Variants in GRIK1 observed in about 807,000 individuals in gnomAD.
GRIK1 encodes glutamate receptor ionotropic, kainate 1.
Under a neutral mutation model 105.7 loss-of-function variants are expected in GRIK1, and 69 were observed. The ratio of observed to expected loss-of-function variants is 0.65; its 90% CI spans 0.54 to 0.80. GRIK1 has a LOEUF of 0.80. Among genes scored for constraint, GRIK1 ranks in the 30% least tolerant of loss-of-function variants. The probability of loss-of-function intolerance (pLI) is 0.00; values close to 1 mark genes in which losing one functional copy is unlikely to be tolerated. For missense variants in GRIK1, 1,109 were observed against 1,167.3 expected (o/e 0.95, Z 0.73); for synonymous variants, 438 against 431.3 (o/e 1.02, Z -0.19).
chr21:29,553,709 C>A, intron 16 of GRIK1: 1 of 1,531,610 alleles, frequency 6.5e-7, no homozygotes, highest in Non-Finnish European at 8.8e-7. Flanking sequence ...AAAAGCCTTG[C>A]ATGCAAAAGA....
At chr21:29,576,415 T>G (rs2146237073) in intron 14 of GRIK1, among the ~76,000 whole-genome samples, 1 of 152,330 alleles carries the variant, frequency 6.6e-6, no homozygotes, top group East Asian at 1.9e-4. Context: ...GGGAACACTG[T>G]CCTTCATCAA....
intron 1 of GRIK1, among the ~76,000 whole-genome samples, chr21:29,868,753 G>A (rs1013325150): frequency 1.3e-5 from 2 of 151,564 alleles, no homozygotes; most frequent in Non-Finnish European, 1.5e-5. Context: ...GTAATGCATT[G>A]CTTCTTTTGC....
At chr21:29,903,625 G>A (rs1394847742) in intron 1 of GRIK1, among the ~76,000 whole-genome samples, 2 of 152,108 alleles carry the variant, frequency 1.3e-5, no homozygotes, top group African/African-American at 4.8e-5. Flanking sequence ...TAAAAAGTCA[G>A]GAAACAACAG....
rs374953597 is a variant in GRIK1 at position 29,822,859 on chromosome 21, TCA to T, written c.118+116522_118+116523del. Among the ~76,000 whole-genome samples the T allele has an allele frequency of 2.6e-5, 4 of 152,156 alleles. No homozygotes were observed. In the East Asian group the frequency reaches 5.8e-4, roughly 22 times the overall value. On this transcript the variant is annotated intron_variant, in intron 1 of 17. Transcript: ENST00000327783. ...AGCTTGCTACTATTTGGGTTTTCAA[TCA>T]CACTCAGCCTAATCTAATCTTTCCT... is the stretch of plus-strand genomic sequence containing the variant.
intron 4 of GRIK1, among the ~76,000 whole-genome samples, chr21:29,670,500 T>A (rs963811771): frequency 6.6e-6 from 1 of 152,218 alleles, no homozygotes; most frequent in African/African-American, 2.4e-5. Context: ...TTTAGTGAAA[T>A]AGAAGAGAAA....
chr21:29,562,518 C>T (rs181419107), intron 14 of GRIK1, among the ~76,000 whole-genome samples: 2 of 152,036 alleles, frequency 1.3e-5, no homozygotes, highest in Admixed American at 6.5e-5. Context: ...AGCCAGGTGT[C>T]GTGGCATGTG....
intron 1 of GRIK1, among the ~76,000 whole-genome samples, chr21:29,936,804 A>G (rs1171505781): frequency 6.6e-6 from 1 of 152,242 alleles, no homozygotes; most frequent in Non-Finnish European, 1.5e-5. Flanking sequence ...AAGCTTAAGC[A>G]GACACTTTGA....
chr21:29,587,341 T>G (rs759359189), intron 12 of GRIK1, 25 bp downstream of exon 12: 9 of 1,433,942 alleles, frequency 6.3e-6, no homozygotes, highest in Admixed American at 1.7e-5. Flanking sequence ...ACACCTCTTG[T>G]GAATTCAGTG....
chr21:29,598,785 C>T, intron 8 of GRIK1, 45 bp downstream of exon 8: 1 of 874,402 alleles, frequency 1.1e-6, no homozygotes, highest in Non-Finnish European at 1.8e-6. Context: ...AATGCCTGAA[C>T]AATGTTCATT....
chr21:29,717,737 T>A (rs1365216172), intron 1 of GRIK1, among the ~76,000 whole-genome samples: 2 of 152,184 alleles, frequency 1.3e-5, no homozygotes, highest in African/African-American at 4.8e-5. Flanking sequence ...GGACTTGGAC[T>A]TTTGGGTTAA....
chr21:29,586,529 T>A (rs1444593384), intron 12 of GRIK1, among the ~76,000 whole-genome samples: 1 of 152,166 alleles, frequency 6.6e-6, no homozygotes, highest in Non-Finnish European at 1.5e-5. Flanking sequence ...TGTTGAAAGG[T>A]GAAAAAGATT....
intron 5 of GRIK1, among the ~76,000 whole-genome samples, chr21:29,654,560 A>G (rs2146571444): frequency 6.6e-6 from 1 of 152,160 alleles, no homozygotes; most frequent in East Asian, 1.9e-4. Context: ...TTTCATTTTA[A>G]TCCCTCTCTG....
intron 2 of GRIK1, among the ~76,000 whole-genome samples, chr21:29,692,894 T>G (rs1332276129): frequency 6.6e-6 from 1 of 152,210 alleles, no homozygotes; most frequent in African/African-American, 2.4e-5. Context: ...TTTTTATCTG[T>G]GCTCCTAAGA....
chr21:29,830,425 T>C (rs2067600308), intron 1 of GRIK1, among the ~76,000 whole-genome samples: 1 of 151,836 alleles, frequency 6.6e-6, no homozygotes, highest in African/African-American at 2.4e-5. Flanking sequence ...ATCCTGGATT[T>C]AAAGAAAATG....
intron 1 of GRIK1, among the ~76,000 whole-genome samples, chr21:29,730,992 A>G (rs1047050977): frequency 6.6e-6 from 1 of 152,216 alleles, no homozygotes; most frequent in Non-Finnish European, 1.5e-5. Context: ...TAACCATGTC[A>G]ATGCATTCTT....
At position 29,842,275 on chromosome 21, in the gene GRIK1, G is replaced by A. The variant is rs572620758; in HGVS notation, c.118+97108C>T. Among the ~76,000 whole-genome samples the A allele has an allele frequency of 9.1e-4, 139 of 151,994 alleles. 3 individuals carry two copies. Among genetic ancestry groups the A allele is most frequent in the Non-Finnish European group, 3.1e-4 (21 of 67,918 alleles). On this transcript the variant is annotated intron_variant, in intron 1 of 17. Transcript: ENST00000327783. ...GAAATGTAATACAGTTCATCTCCCC[G>A]TTTCTGTTTATTTTCATAGTGATTT...
chr21:29,683,928 G>T (rs1009362380), intron 3 of GRIK1, among the ~76,000 whole-genome samples: 2 of 152,146 alleles, frequency 1.3e-5, no homozygotes, highest in African/African-American at 2.4e-5. Context: ...TGTCTGAAAT[G>T]CTCTCCCCCA....
At chr21:29,586,780 CA>C (rs2091139520) in intron 12 of GRIK1, among the ~76,000 whole-genome samples, 1 of 152,182 alleles carries the variant, frequency 6.6e-6, no homozygotes. Context: ...AATGATAGCA[CA>C]AAGGTTTCAT....
At position 29,545,254 on chromosome 21, in the gene GRIK1, T is replaced by C. The variant is rs546368821; in HGVS notation, c.2608-7370A>G. Reference sequence around the variant, plus strand: ...AAGCTTCCAGTGGGCCTTGTATACCTGGAAGTAAGCAGCTCTTCTTGCTTA... The same window carrying C: ...AAGCTTCCAGTGGGCCTTGTATACCCGGAAGTAAGCAGCTCTTCTTGCTTA... On this transcript the variant is annotated intron_variant, in intron 16 of 17. Coordinates refer to ENST00000327783, the MANE Select transcript of GRIK1 (RefSeq NM_001330994.2). Among the ~76,000 whole-genome samples, 8 of 152,344 alleles carry C rather than the reference T, an allele frequency of 5.3e-5. No homozygotes were observed. The South Asian group carries it at 1.4e-3, about 28-fold the overall frequency.
Sources: gnomAD v4.1 joint callset for allele counts (sites outside exome capture counted in the v4.1 genomes callset) on GRCh38, gnomAD v4.1.1 for gene constraint, MANE v1.5 for transcripts, NCBI Gene and HGNC (gene_info 2026-07-23, HGNC 2026-07-21) for gene names.